QTGAL: variants seen among roughly 807,000 people sequenced by gnomAD.
QTGAL encodes the protein BGnT-like protein 1.
At chr17:83,046,304 T>C in the QTGAL span, among the ~76,000 whole-genome samples, 20 of 151,160 alleles carry the variant, frequency 1.3e-4, no homozygotes, top group African/African-American at 4.4e-4. Flanking sequence ...TAATTTTTTT[T>C]TGTGGTATTT....
At chr17:83,041,429 C>T in the QTGAL span, among the ~76,000 whole-genome samples, 21 of 152,292 alleles carry the variant, frequency 1.4e-4, no homozygotes, top group Middle Eastern at 3.4e-3. Context: ...ACAGAAGATT[C>T]GCAGCTAAAC....
At chr17:83,051,605 G>A in the QTGAL span, 1 of 945,138 alleles carries the variant, frequency 1.1e-6, no homozygotes. Flanking sequence ...TGCTCAGGGC[G>A]GAGACCCCGT....
chr17:83,035,129 T>A, the QTGAL span: 687 of 1,580,464 alleles, frequency 4.3e-4, 3 homozygotes, highest in Middle Eastern at 6.7e-3. Context: ...AAAACTCTTT[T>A]ATAATTCAGT....
At chr17:83,023,378 A>G in the QTGAL span, among the ~76,000 whole-genome samples, 1 of 151,144 alleles carries the variant, frequency 6.6e-6, no homozygotes. Context: ...CACCTGCACC[A>G]GCATGAACTC....
the QTGAL span, among the ~76,000 whole-genome samples, chr17:83,030,375 T>C: frequency 4.0e-5 from 6 of 151,710 alleles, no homozygotes; most frequent in East Asian, 5.8e-4. Flanking sequence ...GGTGGGAAAG[T>C]AAAGAAATAA....
the QTGAL span, among the ~76,000 whole-genome samples, chr17:82,973,528 G>A: frequency 2.6e-5 from 4 of 152,096 alleles, no homozygotes; most frequent in Non-Finnish European, 5.9e-5. Context: ...TGACGCCCGG[G>A]CAGGATTGGA....
the QTGAL span, among the ~76,000 whole-genome samples, chr17:83,025,122 C>T: frequency 2.3e-4 from 35 of 152,122 alleles, no homozygotes; most frequent in South Asian, 6.7e-3. Flanking sequence ...ATGGAGTCCA[C>T]ACACACATAG....
At chr17:82,955,906 C>G in the QTGAL span, among the ~76,000 whole-genome samples, 128 of 151,898 alleles carry the variant, frequency 8.4e-4, no homozygotes, top group African/African-American at 2.9e-3. Context: ...GAACAGAAAA[C>G]CAAACACCGC....
chr17:82,962,049 G>A, the QTGAL span, among the ~76,000 whole-genome samples: 1 of 152,162 alleles, frequency 6.6e-6, no homozygotes, highest in East Asian at 1.9e-4. Context: ...TGGGTCAGCC[G>A]CCCGGAGACA....
At chr17:83,037,779 A>C in the QTGAL span, among the ~76,000 whole-genome samples, 3 of 152,248 alleles carry the variant, frequency 2.0e-5, no homozygotes, top group Non-Finnish European at 4.4e-5. This position sits in a 1 kb window ranked among gnomAD's most constrained non-coding sequence, Gnocchi z 5.2. Flanking sequence ...TGGGTAACGA[A>C]GGAAGACTTA....
chr17:83,008,263 C>G, the QTGAL span, among the ~76,000 whole-genome samples: 2 of 152,218 alleles, frequency 1.3e-5, no homozygotes, highest in Non-Finnish European at 2.9e-5. Context: ...CTAGAAGAAG[C>G]CACTTTCAAG....
At chr17:83,033,877 G>A in the QTGAL span, among the ~76,000 whole-genome samples, 1 of 152,164 alleles carries the variant, frequency 6.6e-6, no homozygotes, top group African/African-American at 2.4e-5. Context: ...TTTATTAGTT[G>A]TTTGTACATC....
chr17:82,969,146 AAAAG>A, the QTGAL span, among the ~76,000 whole-genome samples: 7 of 151,624 alleles, frequency 4.6e-5, no homozygotes, highest in South Asian at 1.0e-3. Flanking sequence ...AAAAAAAAAA[AAAAG>A]AAAAGAAAAT....
chr17:82,956,394 G>A, the QTGAL span, among the ~76,000 whole-genome samples: 1 of 152,222 alleles, frequency 6.6e-6, no homozygotes, highest in African/African-American at 2.4e-5. This position sits in a 1 kb window ranked among gnomAD's most constrained non-coding sequence, Gnocchi z 5.7. Context: ...CTCGTGCTTT[G>A]CAAGTTTCTA....
At chr17:82,984,105 C>G in the QTGAL span, among the ~76,000 whole-genome samples, 50,727 of 72,472 alleles carry the variant, frequency 0.7, 17,583 homozygotes, top group African/African-American at 0.8. Flanking sequence ...GGGGAGAGAT[C>G]ATGTGAGCAC....
At chr17:83,037,386 C>T in the QTGAL span, among the ~76,000 whole-genome samples, 2 of 152,248 alleles carry the variant, frequency 1.3e-5, no homozygotes, top group Admixed American at 1.3e-4. The surrounding 1 kb of genome is among the most constrained non-coding windows in gnomAD (Gnocchi z 5.2). Flanking sequence ...CAGTGCCCCT[C>T]TTCATACCAG....
chr17:82,957,606 C>A, the QTGAL span: 4 of 1,377,902 alleles, frequency 2.9e-6, no homozygotes, highest in Admixed American at 4.9e-5. Flanking sequence ...GGAGTGGACA[C>A]CTGGCCCAAT....
chr17:82,963,887 A>G, the QTGAL span, among the ~76,000 whole-genome samples: 3 of 152,192 alleles, frequency 2.0e-5, no homozygotes, highest in Non-Finnish European at 2.9e-5. Flanking sequence ...GGTGAATTGT[A>G]TGGCATGTGA....
chr17:82,961,393 G>GGA, the QTGAL span: 1 of 289,132 alleles, frequency 3.5e-6, no homozygotes, highest in South Asian at 2.8e-5. Flanking sequence ...GGAAAGAGGG[G>GGA]AAGGGAGGGT....
Sources: gnomAD v4.1 joint callset for allele counts (sites outside exome capture counted in the v4.1 genomes callset) on GRCh38, gnomAD v4.1.1 for gene constraint, Gnocchi (gnomAD v3.1) non-coding constraint, MANE v1.5 for transcripts, NCBI Gene and HGNC (gene_info 2026-07-23, HGNC 2026-07-21) for gene names.